The following PPP4R3A variants were observed in gnomAD, a reference collection of about 807,000 sequenced individuals.
The protein encoded by PPP4R3A is protein phosphatase 4 regulatory subunit 3A, also known as serine/threonine-protein phosphatase 4 regulatory subunit 3A.
PPP4R3A carries 15 observed loss-of-function variants against 91.7 expected under a neutral mutation model. That is an observed-to-expected ratio of 0.16 (90% CI 0.11 to 0.25). The LOEUF is 0.25. Ranked by LOEUF, PPP4R3A falls within the 10% of genes least tolerant of loss-of-function variation. The pLI is 1.00. For missense variants in PPP4R3A, 623 were observed against 998.4 expected (o/e 0.62, Z 5.07); for synonymous variants, 377 against 348.7 (o/e 1.08, Z -0.91).
intron 2 of PPP4R3A, among the ~76,000 whole-genome samples, chr14:91,488,827 C>T (rs966096960): frequency 1.3e-5 from 2 of 151,918 alleles, no homozygotes; most frequent in African/African-American, 2.4e-5. Flanking sequence ...GTGAGGTAAC[C>T]TCTCTGAGCC....
intron 4 of PPP4R3A, among the ~76,000 whole-genome samples, chr14:91,478,256 CAAATGGGT>C (rs903692978): frequency 6.6e-6 from 1 of 152,162 alleles, no homozygotes; most frequent in Admixed American, 6.5e-5. Context: ...TATATTCTAC[CAAATGGGT>C]ATCAAATGGT....
chr14:91,506,397 A>G (rs1434464783), intron 1 of PPP4R3A, among the ~76,000 whole-genome samples: 1 of 152,256 alleles, frequency 6.6e-6, no homozygotes, highest in African/African-American at 2.4e-5. Flanking sequence ...ACGTAAGTCA[A>G]TATAAGTAAA....
intron 1 of PPP4R3A, among the ~76,000 whole-genome samples, chr14:91,505,454 A>C (rs1046207146): frequency 2.6e-5 from 4 of 152,044 alleles, no homozygotes; most frequent in Non-Finnish European, 4.4e-5. Context: ...TAAAAAAAAA[A>C]AAAAAACACA....
chr14:91,475,481 G>T, intron 7 of PPP4R3A: 1 of 229,232 alleles, frequency 4.4e-6, no homozygotes, highest in Non-Finnish European at 8.7e-6. Flanking sequence ...GTTTTCCTAG[G>T]TAACTTACTC....
intron 1 of PPP4R3A, among the ~76,000 whole-genome samples, chr14:91,493,312 CA>C (rs59007966): frequency 0.45 from 61,704 of 136,104 alleles, 14,149 homozygotes; most frequent in African/African-American, 0.56. Context: ...GACTCTGCCT[CA>C]AAAAAAAAAA....
At chr14:91,470,757 G>C in intron 10 of PPP4R3A, 80 bp downstream of exon 10, 1 of 1,483,636 alleles carries the variant, frequency 6.7e-7, no homozygotes, top group Admixed American at 2.1e-5. Flanking sequence ...TGTAATCAGT[G>C]GTCTTTTCAT....
intron 2 of PPP4R3A, among the ~76,000 whole-genome samples, chr14:91,487,336 C>CA (rs1355078346): frequency 2.0e-5 from 3 of 150,028 alleles, no homozygotes; most frequent in Admixed American, 2.0e-4. Flanking sequence ...TCAACCATTT[C>CA]AAAAAAGGAT....
intron 1 of PPP4R3A, among the ~76,000 whole-genome samples, chr14:91,493,897 T>C (rs1223339703): frequency 6.7e-6 from 1 of 150,168 alleles, no homozygotes; most frequent in African/African-American, 2.5e-5. Context: ...CTCAGCCTCC[T>C]GAGTAGCTGG....
Position 91,507,483 on chromosome 14 carries a change from A to ATATACTATAATTATATATACTATATAG in PPP4R3A, c.142+2022_142+2023insCTATATAGTATATATAATTATAGTATA, listed in dbSNP as rs1566660643. On this transcript the variant is annotated intron_variant, in intron 1 of 14. Coordinates refer to ENST00000554943, the MANE Select transcript of PPP4R3A (RefSeq NM_001366432.2). ...TACTATAATTATATATACTATAGTTATATATACTATATAGAATATATGCTA... is the reference window on the plus strand; with the variant it reads ...TACTATAATTATATATACTATAGTTATATACTATAATTATATATACTATATAGTATATACTATATAGAATATATGCTA... 1.2e-4 allele frequency among the ~76,000 whole-genome samples: 15 copies of ATATACTATAATTATATATACTATATAG among 122,760 alleles called. 2 individuals are homozygous for ATATACTATAATTATATATACTATATAG. The East Asian group carries it at 1.4e-3, about 11-fold the overall frequency. 80.5% of individuals were successfully genotyped at this position (122,760 alleles called of 152,430 possible). A position where few individuals can be genotyped will look rare whatever the true frequency, so the allele number is the denominator to read the frequency against.
At chr14:91,505,446 A>T (rs1207973266) in intron 1 of PPP4R3A, among the ~76,000 whole-genome samples, 3 of 149,240 alleles carry the variant, frequency 2.0e-5, no homozygotes, top group Admixed American at 6.7e-5. Context: ...ATTCTGCCTA[A>T]AAAAAAAAAA....
chr14:91,469,164 G>A (rs1178958870), intron 10 of PPP4R3A, among the ~76,000 whole-genome samples: 4 of 149,652 alleles, frequency 2.7e-5, no homozygotes, highest in Non-Finnish European at 5.9e-5. Context: ...CCTTAAGCAG[G>A]ATATAAATAA....
At chr14:91,491,787 G>A (rs929571830) in intron 1 of PPP4R3A, among the ~76,000 whole-genome samples, 1 of 152,172 alleles carries the variant, frequency 6.6e-6, no homozygotes, top group Admixed American at 6.5e-5. Flanking sequence ...TAGGGTCTCA[G>A]CTCTGTTGCA....
chr14:91,466,118 A>C, intron 10 of PPP4R3A: 1 of 391,274 alleles, frequency 2.6e-6, no homozygotes, highest in Non-Finnish European at 3.5e-6. Flanking sequence ...ATCTTGAGGT[A>C]TGGGGAGTTA....
At chr14:91,477,091 G>A in intron 4 of PPP4R3A, 105 bp from the exon 5 acceptor site, 3 of 777,392 alleles carry the variant, frequency 3.9e-6, no homozygotes, top group Non-Finnish European at 3.8e-6. Flanking sequence ...AAAAGGAAAG[G>A]TGGTATTGGC....
rs536564173 is a variant in PPP4R3A at position 91,472,002 on chromosome 14, T to C, written c.1502-1007A>G. 2.1e-5 allele frequency among the ~76,000 whole-genome samples: 3 copies of C among 144,222 alleles called. No homozygotes were observed. The South Asian group carries it at 6.5e-4, about 31-fold the overall frequency. The allele number at this position is 144,222 out of a possible 152,430, so 94.6% of individuals were successfully genotyped here. A position where few individuals can be genotyped will look rare whatever the true frequency, so the allele number is the denominator to read the frequency against. ...ATTGCTCAAACCTGGGAGGCAGAGG[T>C]TGCAGTGAGCCGAGATCCCGCCACC... is the stretch of plus-strand genomic sequence containing the variant. On this transcript the variant is annotated intron_variant, in intron 9 of 14. Transcript: ENST00000554943.
At chr14:91,469,597 GTC>G (rs1214461815) in intron 10 of PPP4R3A, among the ~76,000 whole-genome samples, 1 of 152,198 alleles carries the variant, frequency 6.6e-6, no homozygotes, top group Non-Finnish European at 1.5e-5. Flanking sequence ...GGGAGACAGT[GTC>G]TCTCTGTTGC....
rs886461979 is a variant in PPP4R3A, at chr14:91,509,865, G to A, written c.-218C>T. On this transcript the variant is annotated 5_prime_UTR_variant, in exon 1 of 15. Transcript: ENST00000554943. ...CTTTCCTCGCCTCCGGCTCCCCGGC[G>A]CTATTGTCCAGGCCTGGCGAGCCCG... The A allele has an allele frequency of 2.1e-5, 24 of 1,137,614 alleles. No individual in the cohort carries two copies. The Admixed American group carries it at 8.0e-4, about 38-fold the overall frequency. 70.5% of individuals were successfully genotyped at this position (1,137,614 alleles called of 1,614,324 possible).
At chr14:91,471,546 A>T (rs1170557716) in intron 9 of PPP4R3A, among the ~76,000 whole-genome samples, 1 of 151,934 alleles carries the variant, frequency 6.6e-6, no homozygotes. Flanking sequence ...TCATTCCCCC[A>T]CGTTTAGATT....
In PPP4R3A at chr14:91,469,344, G is replaced by GT. The variant is rs199727519; in HGVS notation, c.1660+1492dup. On this transcript the variant is annotated intron_variant, in intron 10 of 14. Transcript: ENST00000554943. ...ATAAAACAATTTATTCATTTATTCA[G>GT]TTTTTCCATTCTGCTCTCAAATCCC... Among the ~76,000 whole-genome samples, 944 of 152,200 alleles carry GT rather than the reference G, an allele frequency of 6.2e-3. 6 individuals carry two copies. Among genetic ancestry groups the GT allele is most frequent in the African/African-American group, 0.021 (861 of 41,526 alleles).
Sources: allele counts gnomAD v4.1 joint callset (sites outside exome capture counted in the v4.1 genomes callset), GRCh38; gene constraint gnomAD v4.1.1; transcripts MANE v1.5; gene names NCBI Gene and HGNC (gene_info 2026-07-23, HGNC 2026-07-21).